FAHD2B: variants seen among roughly 807,000 people sequenced by gnomAD.
FAHD2B encodes oxaloacetate tautomerase FAHD2B, mitochondrial.
Under a neutral mutation model 33.7 loss-of-function variants are expected in FAHD2B, and 26 were observed. The observed-to-expected ratio is 0.77, with a 90% CI of 0.57 to 1.07. FAHD2B has a LOEUF of 1.07. Among genes scored for constraint, FAHD2B ranks in the 50% least tolerant of loss-of-function variants. The pLI, the probability that FAHD2B is intolerant of heterozygous loss-of-function variation, is 0.00. For synonymous variants in FAHD2B, 108 were observed against 150.9 expected (o/e 0.72, Z 2.08); for missense variants, 272 against 388.1 (o/e 0.70, Z 2.51).
intron 1 of FAHD2B, among the ~76,000 whole-genome samples, chr2:97,092,241 G>A (rs1419804997): frequency 6.6e-6 from 1 of 152,098 alleles, no homozygotes; most frequent in Non-Finnish European, 1.5e-5. Flanking sequence ...GCTTCACAGT[G>A]GCCATAAGCA....
chr2:97,084,904 C>A (rs1202056811), intron 6 of FAHD2B, among the ~76,000 whole-genome samples: 1 of 130,070 alleles, frequency 7.7e-6, no homozygotes, highest in African/African-American at 3.7e-5. Context: ...CACAGTAAGA[C>A]CATGCCAAAA....
chr2:97,085,563 T>C (rs752996982), intron 6 of FAHD2B, 136 bp downstream of exon 6: 2 of 1,394,308 alleles, frequency 1.4e-6, no homozygotes, highest in African/African-American at 2.9e-5. Flanking sequence ...GATAAAAGAC[T>C]TTCCCTGTAT....
intron 3 of FAHD2B, among the ~76,000 whole-genome samples, 176 bp downstream of exon 3, chr2:97,091,286 T>A (rs1038970928): frequency 7.2e-6 from 1 of 138,780 alleles, no homozygotes. Context: ...CTCTGAAAAC[T>A]GAAGATGTTA....
In FAHD2B at chr2:97,085,787, T is replaced by A. The variant is rs775462685; in HGVS notation, c.597A>T (p.Arg199Ser). 2 of 1,613,804 alleles carry A rather than the reference T, an allele frequency of 1.2e-6. No homozygotes were observed. The highest frequency in any genetic ancestry group is 2.2e-5 in the South Asian group (2 of 90,988). Residue 199 changes from arginine to serine, a missense_variant, in exon 6 of 9, where the codon AGA (arginine) becomes AGT (serine). Coordinates refer to ENST00000414820, the MANE Select transcript of FAHD2B (RefSeq NM_001320848.2). The stretch of plus-strand genomic sequence containing the variant: ...CCAGCAGCCACTGTTTCCCATTGCG[T>A]CTTGTTAGCCAGTCACGAGCACTCA... ...HDVSARDWLTRRNGKQWLLGK... is the reference protein window; with the variant it reads ...HDVSARDWLTSRNGKQWLLGK...
rs1308314409 is a variant in FAHD2B, at chr2:97,084,274, G to A, written c.689C>T (p.Pro230Leu). 6.2e-7 allele frequency: 1 copy of A among 1,612,812 alleles called. No individual in the cohort carries two copies. Among genetic ancestry groups the A allele is most frequent in the Admixed American group, 1.7e-5 (1 of 59,874 alleles). The change falls in exon 7 of 9, where the codon CCA (proline) becomes CTA (leucine). Residue 230 changes from proline (P) to leucine (L), a missense_variant. Coordinates refer to ENST00000414820, the MANE Select transcript of FAHD2B (RefSeq NM_001320848.2). ...TCGGCAGCAGATCTTTAAGTTGTGT[G>A]GATCTGAAATGCAAAGATGGAACCT... Reference protein sequence around the residue: ...ALVTKDSVADPHNLKICCRVN... With the variant: ...ALVTKDSVADLHNLKICCRVN...
chr2:97,083,757 A>G lies in FAHD2B; in HGVS notation c.943T>C (p.Ter315ArgextTer10), dbSNP rs756884373. ...ATGTCGGGCCTGTGCAGGAGCCATC[A>G]CACCACCTTGTTGATGATGACACCT... ...ELGVIINKVV[*>R] Residue 315 changes from the stop codon to arginine, a stop_lost, in exon 9 of 9, where the codon TGA becomes CGA. Transcript: ENST00000414820. 1 of 1,612,686 alleles carries G rather than the reference A, an allele frequency of 6.2e-7. No homozygotes were observed. Among genetic ancestry groups the G allele is most frequent in the South Asian group, 1.1e-5 (1 of 91,026 alleles).
Position 97,083,671 on chromosome 2 carries a change from C to G in FAHD2B, c.*84G>C. On this transcript the variant is annotated 3_prime_UTR_variant, in exon 9 of 9. Transcript: ENST00000414820. ...GGCGGCTTGCAGGGCTGGCACCTGC[C>G]CACACCTGCCACTGGGCCTTTCCCT... The G allele has an allele frequency of 1.2e-6, 2 of 1,608,408 alleles. No homozygotes were observed. Among genetic ancestry groups the G allele is most frequent in the Non-Finnish European group, 1.7e-6 (2 of 1,176,910 alleles).
At chr2:97,085,277 T>C (rs1280402153) in intron 6 of FAHD2B, among the ~76,000 whole-genome samples, 2 of 150,676 alleles carry the variant, frequency 1.3e-5, no homozygotes, top group East Asian at 3.9e-4. Context: ...CGCTGTCCCC[T>C]CACTGTGTGT....
rs552138643 is a variant in FAHD2B, at chr2:97,089,741, G to C, written c.462+368C>G. 110 of 205,832 alleles carry C rather than the reference G, an allele frequency of 5.3e-4. No individual in the cohort carries two copies. In the East Asian group the frequency reaches 0.012, roughly 22 times the overall value. The allele number at this position is 205,832 out of a possible 1,614,324, so 12.8% of individuals were successfully genotyped here. On this transcript the variant is annotated intron_variant, in intron 4 of 8. Coordinates refer to ENST00000414820, the MANE Select transcript of FAHD2B (RefSeq NM_001320848.2). Reference sequence around the variant, plus strand: ...TTTAATGGCATGAAAAAATGCTCCTGATGGAGTCTTAAGTAAAAGGTAAGT... The same window carrying C: ...TTTAATGGCATGAAAAAATGCTCCTCATGGAGTCTTAAGTAAAAGGTAAGT...
At chr2:97,086,299 G>A (rs1468849519) in intron 4 of FAHD2B, 101 bp from the exon 5 acceptor site, 1 of 1,504,654 alleles carries the variant, frequency 6.6e-7, no homozygotes, top group Admixed American at 2.0e-5. Flanking sequence ...TGGCTTGGCT[G>A]CCATCCCACG....
At chr2:97,083,569 A>G (rs1172290589), downstream of FAHD2B, 4 of 1,077,190 alleles carry the variant, frequency 3.7e-6, no homozygotes, top group African/African-American at 4.8e-5. Flanking sequence ...GAAGACAAAC[A>G]GCACAAGCCA....
At chr2:97,083,214 T>C, downstream of FAHD2B, 2 of 1,609,028 alleles carry the variant, frequency 1.2e-6, no homozygotes, top group Non-Finnish European at 1.7e-6. Flanking sequence ...GCCAGGACAA[T>C]CAGGAAAAAC....
chr2:97,080,123 T>C (rs1428033090), downstream of FAHD2B, among the ~76,000 whole-genome samples: 1 of 152,174 alleles, frequency 6.6e-6, no homozygotes, highest in Non-Finnish European at 1.5e-5. Flanking sequence ...ATTTTGGCTT[T>C]TGTTGCGATT....
At position 97,083,800 on chromosome 2, in the gene FAHD2B, C is replaced by T; in HGVS notation, c.900G>A (p.Gln300=). Residue 300 remains glutamine, a synonymous_variant, in exon 9 of 9, where the codon CAG becomes CAA. Transcript: ENST00000414820. Reference sequence around the variant, plus strand: ...TGACACCTAGTTCTTCAATCTCACACTGGACTTCATCCCCCTTCTGCAACA... The same window carrying T: ...TGACACCTAGTTCTTCAATCTCACATTGGACTTCATCCCCCTTCTGCAACA... The part of the protein sequence containing the change: ...PVFLKKGDEV[Q]CEIEELGVII... 2.5e-6 allele frequency: 4 copies of T among 1,614,174 alleles called. No individual in the cohort carries two copies. The highest frequency in any genetic ancestry group is 3.4e-6 in the Non-Finnish European group (4 of 1,180,050).
At chr2:97,092,736 C>T (rs559863313) in intron 1 of FAHD2B, among the ~76,000 whole-genome samples, 3 of 151,918 alleles carry the variant, frequency 2.0e-5, no homozygotes, top group South Asian at 4.2e-4. Context: ...TTTGGGAGGT[C>T]GAGGTGGGTG....
rs146540164 is a variant in FAHD2B at position 97,085,840 on chromosome 2, C to T, written c.544G>A (p.Val182Met). Residue 182 changes from valine (V) to methionine (M), a missense_variant, in exon 6 of 9, where the codon GTG becomes ATG. By Grantham distance (21) the Val-to-Met change is conservative. Coordinates refer to ENST00000414820, the MANE Select transcript of FAHD2B (RefSeq NM_001320848.2). The stretch of plus-strand genomic sequence containing the variant: ...TCATGAGCCACAGTGAAGCCGGCCA[C>T]GTGGGCCATGGCATCTGTGGCCTAT... Reference protein sequence around the residue: ...HIKATDAMAHVAGFTVAHDVS... With the variant: ...HIKATDAMAHMAGFTVAHDVS... The T allele has an allele frequency of 5.3e-5, 86 of 1,613,834 alleles. No individual in the cohort carries two copies. The highest frequency in any genetic ancestry group is 2.5e-4 in the Admixed American group (15 of 59,960).
At chr2:97,081,182 A>T (rs2031631766), downstream of FAHD2B, 1 of 1,489,908 alleles carries the variant, frequency 6.7e-7, no homozygotes, top group African/African-American at 1.4e-5. Flanking sequence ...CTGCTGAGCC[A>T]GAATGAGCTG....
intron 3 of FAHD2B, among the ~76,000 whole-genome samples, chr2:97,090,617 T>C (rs950191363): frequency 2.6e-5 from 4 of 152,104 alleles, no homozygotes; most frequent in African/African-American, 9.6e-5. Flanking sequence ...GGTTACCCCG[T>C]TCCCCTGGCT....
At chr2:97,082,683 C>T, downstream of FAHD2B, 1 of 1,583,824 alleles carries the variant, frequency 6.3e-7, no homozygotes, top group Non-Finnish European at 8.7e-7. Context: ...CTAGAGCCTT[C>T]ACTTCTCTCT....
Sources: allele counts gnomAD v4.1 joint callset (sites outside exome capture counted in the v4.1 genomes callset), GRCh38; gene constraint gnomAD v4.1.1; transcripts MANE v1.5; gene names NCBI Gene and HGNC (gene_info 2026-07-23, HGNC 2026-07-21).